EXOC6: variants seen among roughly 807,000 people sequenced by gnomAD.
EXOC6 encodes exocyst complex component 6.
A neutral mutation model predicts 112.5 loss-of-function variants in EXOC6; 60 were observed. The observed-to-expected ratio is 0.53, with a 90% CI of 0.43 to 0.66. The LOEUF (loss-of-function observed/expected upper bound fraction) is 0.66. Among genes scored for constraint, EXOC6 ranks in the 30% least tolerant of loss-of-function variants. EXOC6 has a pLI of 0.00. For missense variants in EXOC6, 855 were observed against 957.1 expected (o/e 0.89, Z 1.41); for synonymous variants, 295 against 308.0 (o/e 0.96, Z 0.44).
chr10:92,859,191 C>T (rs1278879233), intron 1 of EXOC6, among the ~76,000 whole-genome samples: 1 of 152,082 alleles, frequency 6.6e-6, no homozygotes, highest in Non-Finnish European at 1.5e-5. Flanking sequence ...GATGCTGATT[C>T]CTTCCACCCC....
intron 12 of EXOC6, among the ~76,000 whole-genome samples, chr10:92,938,519 TA>T (rs1466416386): frequency 1.5e-4 from 23 of 152,184 alleles, no homozygotes. Context: ...TTTTGCTTTT[TA>T]AAATGCTAGT....
At chr10:93,037,219 T>C (rs1328769198) in intron 20 of EXOC6, among the ~76,000 whole-genome samples, 1 of 151,654 alleles carries the variant, frequency 6.6e-6, no homozygotes, top group Non-Finnish European at 1.5e-5. Flanking sequence ...CATGGCACAT[T>C]GCAGCCTCAA....
intron 1 of EXOC6, among the ~76,000 whole-genome samples, chr10:92,873,265 AT>A (rs1316929326): frequency 6.6e-6 from 1 of 152,178 alleles, no homozygotes; most frequent in East Asian, 1.9e-4. Context: ...ACCATGGAGG[AT>A]GTTCATTAAT....
intron 20 of EXOC6, among the ~76,000 whole-genome samples, chr10:93,055,306 A>T (rs1300944509): frequency 6.6e-6 from 1 of 152,248 alleles, no homozygotes; most frequent in Non-Finnish European, 1.5e-5. Context: ...TCATACAGAT[A>T]GACCTCACTA....
chr10:92,886,411 A>G (rs1322849279), intron 1 of EXOC6, among the ~76,000 whole-genome samples: 2 of 152,070 alleles, frequency 1.3e-5, no homozygotes, highest in African/African-American at 4.8e-5. Flanking sequence ...TTTTCTGTCC[A>G]TTGGTTGATT....
At chr10:93,036,683 A>G (rs1029294414) in intron 20 of EXOC6, among the ~76,000 whole-genome samples, 7 of 152,374 alleles carry the variant, frequency 4.6e-5, no homozygotes, top group African/African-American at 1.7e-4. Flanking sequence ...AATTATTTTT[A>G]AAAGAGATAC....
intron 4 of EXOC6, among the ~76,000 whole-genome samples, chr10:92,899,063 T>A (rs575239723): frequency 3.0e-4 from 45 of 152,330 alleles, no homozygotes; most frequent in African/African-American, 1.0e-3. Flanking sequence ...TTATGTTTAT[T>A]TCTGGCTGTA....
chr10:92,988,175 G>A (rs770808109), intron 18 of EXOC6, among the ~76,000 whole-genome samples: 21 of 152,082 alleles, frequency 1.4e-4, no homozygotes, highest in Non-Finnish European at 2.6e-4. Context: ...CCCAGTGCAG[G>A]TATTTCTTTC....
At chr10:92,932,787 A>G (rs1169503057) in intron 9 of EXOC6, among the ~76,000 whole-genome samples, 3 of 152,226 alleles carry the variant, frequency 2.0e-5, no homozygotes, top group Admixed American at 1.3e-4. Flanking sequence ...AAATGACTGT[A>G]GGAAATAATG....
At chr10:92,844,654 G>A (rs1302077051), upstream of EXOC6, among the ~76,000 whole-genome samples, 1 of 152,064 alleles carries the variant, frequency 6.6e-6, no homozygotes, top group Non-Finnish European at 1.5e-5. Context: ...CAAAGAGGAG[G>A]CTAAAATGCT....
intron 20 of EXOC6, among the ~76,000 whole-genome samples, chr10:93,038,900 C>T (rs1425134189): frequency 2.0e-5 from 3 of 152,168 alleles, no homozygotes; most frequent in Non-Finnish European, 4.4e-5. Context: ...AGGAAGTTAT[C>T]AATGGCCCAT....
chr10:92,916,972 T>C (rs1275965146), intron 7 of EXOC6, among the ~76,000 whole-genome samples: 1 of 151,886 alleles, frequency 6.6e-6, no homozygotes, highest in African/African-American at 2.4e-5. Flanking sequence ...TCTTTCTTTT[T>C]TTTTTTTTTG....
intron 13 of EXOC6, among the ~76,000 whole-genome samples, chr10:92,946,012 C>T (rs977032431): frequency 5.9e-5 from 9 of 151,948 alleles, no homozygotes; most frequent in Non-Finnish European, 7.4e-5. Flanking sequence ...CGCTTGAGGC[C>T]GGGCACGGTG....
intron 1 of EXOC6, among the ~76,000 whole-genome samples, chr10:92,875,866 T>A (rs1333147601): frequency 6.6e-6 from 1 of 152,028 alleles, no homozygotes; most frequent in Non-Finnish European, 1.5e-5. Context: ...ATCCCTTTTT[T>A]ATCAAAATAA....
intron 17 of EXOC6, among the ~76,000 whole-genome samples, chr10:92,971,761 C>T (rs1235985587): frequency 6.6e-6 from 1 of 152,028 alleles, no homozygotes; most frequent in African/African-American, 2.4e-5. Flanking sequence ...TCCTTTTGTT[C>T]TTAAGTTTTT....
chr10:92,963,971 C>T (rs1354464424), intron 17 of EXOC6, among the ~76,000 whole-genome samples: 1 of 149,624 alleles, frequency 6.7e-6, no homozygotes, highest in Non-Finnish European at 1.5e-5. Context: ...GTATAAGGCA[C>T]AATACATATC....
At chr10:92,919,242 C>G (rs969844751) in intron 7 of EXOC6, among the ~76,000 whole-genome samples, 2 of 152,156 alleles carry the variant, frequency 1.3e-5, no homozygotes, top group Non-Finnish European at 2.9e-5. Context: ...CCTGTTCTCT[C>G]AGATCTATTT....
intron 12 of EXOC6, among the ~76,000 whole-genome samples, chr10:92,936,778 G>A (rs1479209244): frequency 2.0e-5 from 3 of 152,214 alleles, no homozygotes; most frequent in Admixed American, 6.5e-5. Context: ...GGGGTGGGGT[G>A]TGTACACCCT....
At chr10:93,044,215 C>T (rs760271780) in intron 20 of EXOC6, among the ~76,000 whole-genome samples, 16 of 152,058 alleles carry the variant, frequency 1.1e-4, no homozygotes, top group Non-Finnish European at 1.8e-4. Flanking sequence ...ACATGTTTGT[C>T]GCGCAAATTA....
Sources: gnomAD v4.1 joint callset for allele counts (sites outside exome capture counted in the v4.1 genomes callset) on GRCh38, gnomAD v4.1.1 for gene constraint, MANE v1.5 for transcripts, NCBI Gene and HGNC (gene_info 2026-07-23, HGNC 2026-07-21) for gene names.